The following PCDH15 variants were observed in gnomAD, a reference collection of about 807,000 sequenced individuals.
PCDH15 encodes protocadherin related 15.
PCDH15 carries 129 observed loss-of-function variants against 178.5 expected under a neutral mutation model. The ratio of observed to expected loss-of-function variants is 0.72; its 90% CI spans 0.63 to 0.84. The LOEUF (loss-of-function observed/expected upper bound fraction) is 0.84. Among genes scored for constraint, PCDH15 ranks in the 40% least tolerant of loss-of-function variants. The pLI, the probability that PCDH15 is intolerant of heterozygous loss-of-function variation, is 0.00. For synonymous variants in PCDH15, 800 were observed against 732.0 expected, an observed-to-expected ratio of 1.09 and a Z score of -1.50; for missense variants, 2,230 against 2,099.9, an observed-to-expected ratio of 1.06 and a Z score of -1.21.
intron 18 of PCDH15, among the ~76,000 whole-genome samples, chr10:54,054,363 G>A (rs1039577932): frequency 6.6e-6 from 1 of 152,046 alleles, no homozygotes; most frequent in Non-Finnish European, 1.5e-5. Flanking sequence ...AATTAGATGT[G>A]CTTAAACATG....
chr10:54,445,591 C>A (rs1170462103), intron 3 of PCDH15, among the ~76,000 whole-genome samples: 1 of 151,524 alleles, frequency 6.6e-6, no homozygotes, highest in Non-Finnish European at 1.5e-5. Flanking sequence ...GTTAAGGATT[C>A]TTCTCATTCT....
chr10:54,433,888 G>A (rs1200804200), intron 3 of PCDH15, among the ~76,000 whole-genome samples: 2 of 151,900 alleles, frequency 1.3e-5, no homozygotes, highest in African/African-American at 4.8e-5. Context: ...ACAGCCTCAG[G>A]CCAATCTTTC....
intron 2 of PCDH15, among the ~76,000 whole-genome samples, chr10:55,540,184 G>A (rs1003364353): frequency 6.6e-6 from 1 of 151,974 alleles, no homozygotes; most frequent in Admixed American, 6.6e-5. Context: ...ACTACCTTCT[G>A]TGAGATTCGC....
intron 1 of PCDH15, among the ~76,000 whole-genome samples, chr10:55,236,523 A>C (rs1841390313): frequency 6.6e-6 from 1 of 152,106 alleles, no homozygotes; most frequent in Non-Finnish European, 1.5e-5. Context: ...AATATTGAGC[A>C]ATTTGTGCCT....
intron 2 of PCDH15, among the ~76,000 whole-genome samples, chr10:55,562,312 GTTA>G (rs1192127360): frequency 6.6e-6 from 1 of 151,836 alleles, no homozygotes; most frequent in Non-Finnish European, 1.5e-5. Context: ...ATTTTATACA[GTTA>G]TTATAAGGAT....
intron 1 of PCDH15, among the ~76,000 whole-genome samples, chr10:55,251,049 G>A (rs763732539): frequency 6.6e-5 from 10 of 151,974 alleles, no homozygotes; most frequent in Non-Finnish European, 1.0e-4. Context: ...CAAAGATCCT[G>A]TGTACCCTTT....
chr10:55,255,551 T>C (rs527821168), intron 1 of PCDH15, among the ~76,000 whole-genome samples: 1 of 152,306 alleles, frequency 6.6e-6, no homozygotes, highest in African/African-American at 2.4e-5. Context: ...ATGGTTGAAC[T>C]AGTTTACACT....
At chr10:54,776,706 T>G (rs1223996611) in intron 1 of PCDH15, among the ~76,000 whole-genome samples, 1 of 152,136 alleles carries the variant, frequency 6.6e-6, no homozygotes, top group African/African-American at 2.4e-5. Flanking sequence ...TTACTACAAG[T>G]AGGATTTTCC....
intron 1 of PCDH15, among the ~76,000 whole-genome samples, chr10:55,171,200 T>G (rs550660036): frequency 6.6e-6 from 1 of 152,180 alleles, no homozygotes; most frequent in Non-Finnish European, 1.5e-5. Context: ...TTCCTTCACA[T>G]CTAATTTAAG....
At chr10:53,844,793 G>A (rs2077869703) in intron 28 of PCDH15, among the ~76,000 whole-genome samples, 2 of 151,938 alleles carry the variant, frequency 1.3e-5, no homozygotes, top group Admixed American at 1.3e-4. Context: ...AAAATATTGG[G>A]AAGAGACTTC....
intron 1 of PCDH15, among the ~76,000 whole-genome samples, chr10:55,239,686 T>C (rs79514064): frequency 1.4e-3 from 208 of 151,966 alleles, no homozygotes; most frequent in African/African-American, 4.9e-3. Flanking sequence ...AACAGACAAA[T>C]GGGATCACAT....
intron 1 of PCDH15, among the ~76,000 whole-genome samples, chr10:54,688,023 C>T (rs61854061): frequency 2.2e-4 from 34 of 151,888 alleles, no homozygotes; most frequent in African/African-American, 2.9e-4. Context: ...ATAGGTCTCA[C>T]GTTAAGCATT....
At chr10:55,523,039 A>T (rs1232688491) in intron 2 of PCDH15, among the ~76,000 whole-genome samples, 1 of 151,674 alleles carries the variant, frequency 6.6e-6, no homozygotes, top group Non-Finnish European at 1.5e-5. Context: ...AGTCTATTTT[A>T]AACTGATAAC....
chr10:54,503,231 G>A (rs954638629), intron 3 of PCDH15, among the ~76,000 whole-genome samples: 32 of 99,694 alleles, frequency 3.2e-4, no homozygotes, highest in South Asian at 7.2e-4. Flanking sequence ...ATATATGTGT[G>A]TGTGTGTGTG....
chr10:54,692,768 A>G (rs2095149263), intron 1 of PCDH15, among the ~76,000 whole-genome samples: 1 of 151,464 alleles, frequency 6.6e-6, no homozygotes, highest in Admixed American at 6.6e-5. Flanking sequence ...TCTCAGATAC[A>G]TTGCCAAGAA....
intron 3 of PCDH15, among the ~76,000 whole-genome samples, chr10:54,406,466 C>T (rs1952682241): frequency 6.6e-6 from 1 of 152,058 alleles, no homozygotes; most frequent in Non-Finnish European, 1.5e-5. Context: ...GCCCCTCTTC[C>T]TCCTCCTTTC....
rs1391803015 is a variant in PCDH15 at position 55,483,432 on chromosome 10, G to A, written c.-156+144193C>T. 5.3e-5 allele frequency among the ~76,000 whole-genome samples: 8 copies of A among 151,688 alleles called. No individual in the cohort carries two copies. In the South Asian group the frequency reaches 8.3e-4, roughly 16 times the overall value. Reference sequence around the variant, plus strand: ...AAGCCACAATGTGATGCCATCTAACGCCAGTCAGAATGGTCATTAAAAATA... The same window carrying A: ...AAGCCACAATGTGATGCCATCTAACACCAGTCAGAATGGTCATTAAAAATA... On this transcript the variant is annotated intron_variant, in intron 2 of 5. Coordinates refer to the PCDH15 transcript ENST00000613346.
intron 8 of PCDH15, among the ~76,000 whole-genome samples, chr10:54,296,113 C>T (rs1374539830): frequency 7.5e-6 from 1 of 132,686 alleles, no homozygotes; most frequent in Non-Finnish European, 1.5e-5. Flanking sequence ...CCACTGCACT[C>T]CAGCCTGGGC....
intron 1 of PCDH15, among the ~76,000 whole-genome samples, chr10:54,781,105 G>A (rs1418210361): frequency 6.6e-6 from 1 of 151,900 alleles, no homozygotes; most frequent in African/African-American, 2.4e-5. Context: ...AAACATTTTG[G>A]ACCTAGCCCA....
Sources: allele counts gnomAD v4.1 joint callset (sites outside exome capture counted in the v4.1 genomes callset), GRCh38; gene constraint gnomAD v4.1.1; transcripts MANE v1.5; gene names NCBI Gene and HGNC (gene_info 2026-07-23, HGNC 2026-07-21).